The following RNFT2 variants were observed in gnomAD, a reference collection of about 807,000 sequenced individuals.
RNFT2 encodes E3 ubiquitin-protein ligase RNFT2.
Under a neutral mutation model 53.0 loss-of-function variants are expected in RNFT2, and 36 were observed. The observed-to-expected ratio is 0.68, with a 90% CI of 0.52 to 0.90. The LOEUF is 0.90. Ranked by LOEUF, RNFT2 falls within the 40% of genes least tolerant of loss-of-function variation. The pLI, the probability that RNFT2 is intolerant of heterozygous loss-of-function variation, is 0.00. For missense variants in RNFT2, 514 were observed against 585.6 expected, an observed-to-expected ratio of 0.88 and a Z score of 1.26; for synonymous variants, 260 against 253.2, an observed-to-expected ratio of 1.03 and a Z score of -0.26.
At chr12:116,749,329 G>A in intron 3 of RNFT2, among the ~76,000 whole-genome samples, 1 of 135,114 alleles carries the variant, frequency 7.4e-6, no homozygotes. Context: ...CCAGGCTGGA[G>A]TGCAGTGGCG....
chr12:116,813,232 G>T (rs1592974112), intron 7 of RNFT2, among the ~76,000 whole-genome samples: 1 of 152,306 alleles, frequency 6.6e-6, no homozygotes, highest in South Asian at 2.1e-4. Context: ...AAAGTGCTGG[G>T]ATTACAGGTG....
chr12:116,812,086 A>G (rs1039085713), intron 7 of RNFT2, among the ~76,000 whole-genome samples: 1 of 152,138 alleles, frequency 6.6e-6, no homozygotes, highest in Non-Finnish European at 1.5e-5. Context: ...GGTTTAGAAC[A>G]GAGTTTTCAG....
At chr12:116,821,802 C>CTTTTTTTTTTTTTTT (rs149043452) in intron 7 of RNFT2, among the ~76,000 whole-genome samples, 5 of 43,926 alleles carry the variant, frequency 1.1e-4, no homozygotes, top group African/African-American at 5.1e-4. Flanking sequence ...CTACTTGTTT[C>CTTTTTTTTTTTTTTT]TTTTTTTTTT....
intron 6 of RNFT2, among the ~76,000 whole-genome samples, chr12:116,773,387 C>T (rs974469992): frequency 6.6e-6 from 1 of 152,166 alleles, no homozygotes; most frequent in Non-Finnish European, 1.5e-5. Context: ...GGCATTGTTC[C>T]ATGCAGGGAC....
At chr12:116,756,193 A>G (rs988354030) in intron 5 of RNFT2, among the ~76,000 whole-genome samples, 28 of 152,124 alleles carry the variant, frequency 1.8e-4, no homozygotes, top group Non-Finnish European at 4.0e-4. Flanking sequence ...CTACCCATTC[A>G]TGAGCATGGG....
At chr12:116,815,843 C>T (rs771454256) in intron 7 of RNFT2, among the ~76,000 whole-genome samples, 8 of 151,906 alleles carry the variant, frequency 5.3e-5, no homozygotes, top group Admixed American at 3.3e-4. Context: ...GATATGACTT[C>T]GGCAAAGTCA....
At chr12:116,817,314 G>GT (rs1875737770) in intron 7 of RNFT2, among the ~76,000 whole-genome samples, 1 of 151,966 alleles carries the variant, frequency 6.6e-6, no homozygotes, top group Admixed American at 6.6e-5. Flanking sequence ...CACCTGGCCT[G>GT]TTTTTATTTT....
chr12:116,792,012 C>T (rs1167589683), intron 7 of RNFT2, among the ~76,000 whole-genome samples: 1 of 152,078 alleles, frequency 6.6e-6, no homozygotes, highest in Admixed American at 6.6e-5. Flanking sequence ...ATTATTAGAC[C>T]GCGGTCCTTC....
At chr12:116,792,780 G>A (rs1273985916) in intron 7 of RNFT2, among the ~76,000 whole-genome samples, 3 of 152,128 alleles carry the variant, frequency 2.0e-5, no homozygotes, top group Admixed American at 2.0e-4. Flanking sequence ...GCAGCGGGGG[G>A]AAGACACATT....
chr12:116,740,049 T>C (rs1238544028), intron 1 of RNFT2, among the ~76,000 whole-genome samples: 3 of 151,882 alleles, frequency 2.0e-5, no homozygotes, highest in African/African-American at 7.3e-5. Context: ...CTACTAAAAA[T>C]ACAAAAATTG....
chr12:116,744,663 G>A (rs1004270311), intron 3 of RNFT2, among the ~76,000 whole-genome samples: 32 of 152,158 alleles, frequency 2.1e-4, no homozygotes, highest in Non-Finnish European at 7.4e-5. Context: ...AAGCTCTGGC[G>A]CTTAAGTGGT....
chr12:116,740,930 G>C (rs1176685588), intron 2 of RNFT2, 106 bp from the exon 3 acceptor site: 1 of 920,176 alleles, frequency 1.1e-6, no homozygotes, highest in Non-Finnish European at 1.7e-6. Context: ...AGCACTAGGG[G>C]TCTAAGATAC....
chr12:116,760,677 G>A (rs1246577666), intron 5 of RNFT2, among the ~76,000 whole-genome samples: 2 of 152,142 alleles, frequency 1.3e-5, no homozygotes, highest in African/African-American at 4.8e-5. Context: ...TGGGGCATTC[G>A]CAGTTTTGGG....
chr12:116,852,603 G>A lies in RNFT2; in HGVS notation c.*3155G>A, dbSNP rs776728911. 3.7e-6 allele frequency: 6 copies of A among 1,613,662 alleles called. No individual in the cohort carries two copies. The African/African-American group carries it at 5.3e-5, about 14-fold the overall frequency. On this transcript the variant is annotated 3_prime_UTR_variant, in exon 11 of 11. Transcript: ENST00000257575. ...GAGGAAAAACCAAAGGGAAGCAACAGGAACTTCTGCAACTGGTTTTTATCG... is the reference window on the plus strand; with the variant it reads ...GAGGAAAAACCAAAGGGAAGCAACAAGAACTTCTGCAACTGGTTTTTATCG...
At chr12:116,747,548 A>G (rs571928306) in intron 3 of RNFT2, among the ~76,000 whole-genome samples, 10 of 152,168 alleles carry the variant, frequency 6.6e-5, no homozygotes, top group Non-Finnish European at 1.0e-4. Context: ...TAATGGTCTC[A>G]TATAATAGAT....
intron 10 of RNFT2, among the ~76,000 whole-genome samples, chr12:116,845,570 G>T (rs1319854454): frequency 6.6e-6 from 1 of 152,146 alleles, no homozygotes; most frequent in African/African-American, 2.4e-5. Context: ...TTGGAAGGCT[G>T]TGAATAAGCC....
chr12:116,814,309 G>C (rs1319196763), intron 7 of RNFT2, among the ~76,000 whole-genome samples: 1 of 152,178 alleles, frequency 6.6e-6, no homozygotes, highest in Non-Finnish European at 1.5e-5. Flanking sequence ...AAGGGACTTA[G>C]ATAAAAAGAT....
rs181315340 is a variant in RNFT2, at chr12:116,841,981, A to G, written c.1200+5699A>G. On this transcript the variant is annotated intron_variant, in intron 10 of 10. Transcript: ENST00000257575. ...TATAGAGAGAGAGAGAGAGAGAGAG[A>G]GAGAGGGAGGATCCAGGTACAACTT... 6.6e-4 allele frequency among the ~76,000 whole-genome samples: 90 copies of G among 135,490 alleles called. 5 individuals carry two copies. Among genetic ancestry groups the G allele is most frequent in the African/African-American group, 2.5e-3 (87 of 35,096 alleles). 88.9% of individuals were successfully genotyped at this position (135,490 alleles called of 152,430 possible).
At chr12:116,763,785 A>T (rs536213603) in intron 5 of RNFT2, among the ~76,000 whole-genome samples, 251 of 142,222 alleles carry the variant, frequency 1.8e-3, no homozygotes, top group African/African-American at 5.1e-3. Context: ...TCTCAAAAAA[A>T]AAAGGGGGCG....
Sources: allele counts gnomAD v4.1 joint callset (sites outside exome capture counted in the v4.1 genomes callset), GRCh38; gene constraint gnomAD v4.1.1; transcripts MANE v1.5; gene names NCBI Gene and HGNC (gene_info 2026-07-23, HGNC 2026-07-21).